The following GPHN variants were observed in gnomAD, a reference collection of about 807,000 sequenced individuals.
GPHN encodes the protein gephyrin.
In GPHN, 17 loss-of-function variants were observed where a neutral mutation model predicts 95.5. The observed-to-expected ratio is 0.18, with a 90% CI of 0.12 to 0.27. The LOEUF (loss-of-function observed/expected upper bound fraction) is 0.27, where lower values mean the gene tolerates loss of function less well. Among genes scored for constraint, GPHN ranks in the 10% least tolerant of loss-of-function variants. The pLI is 1.00. For missense variants in GPHN, 660 were observed against 978.1 expected (o/e 0.67, Z 4.34); for synonymous variants, 320 against 322.5 (o/e 0.99, Z 0.08).
intron 1 of GPHN, among the ~76,000 whole-genome samples, chr14:66,586,077 A>G (rs1157093033): frequency 2.0e-5 from 3 of 152,148 alleles, no homozygotes; most frequent in African/African-American, 7.2e-5. Flanking sequence ...GTGCTCCTGT[A>G]TTGGGTGCAT....
intron 1 of GPHN, among the ~76,000 whole-genome samples, chr14:66,592,586 C>G (rs9668888): frequency 6.6e-6 from 1 of 152,138 alleles, no homozygotes; most frequent in Non-Finnish European, 1.5e-5. Context: ...AAATGCAAAT[C>G]AAAACCACAA....
At position 66,780,260 on chromosome 14, in the gene GPHN, C is replaced by G. The variant is rs75262991; in HGVS notation, c.201+3739C>G. Among the ~76,000 whole-genome samples the G allele has an allele frequency of 3.1e-3, 468 of 152,218 alleles. 11 individuals are homozygous for G. Among genetic ancestry groups the G allele is most frequent in the African/African-American group, 0.011 (443 of 41,550 alleles). The stretch of plus-strand genomic sequence containing the variant: ...ATATCCAATAAGTCATTGAATAAAT[C>G]AGCCTGGAACTCAGAAGAGAGACAC... On this transcript the variant is annotated intron_variant, in intron 3 of 22. Coordinates refer to ENST00000478722, the MANE Select transcript of GPHN (RefSeq NM_020806.5).
chr14:66,913,597 C>T (rs967481954), intron 5 of GPHN, among the ~76,000 whole-genome samples: 2 of 152,158 alleles, frequency 1.3e-5, no homozygotes, highest in Non-Finnish European at 2.9e-5. Flanking sequence ...ACCTCGGCTT[C>T]CCAAAGTGCT....
chr14:67,702,269 T>C, the GPHN span, among the ~76,000 whole-genome samples: 1 of 152,166 alleles, frequency 6.6e-6, no homozygotes, highest in Non-Finnish European at 1.5e-5. Context: ...ATGCCTGGCC[T>C]GTGCTCAGTT....
At chr14:67,028,996 G>T (rs118039219) in intron 10 of GPHN, among the ~76,000 whole-genome samples, 1 of 152,008 alleles carries the variant, frequency 6.6e-6, no homozygotes, top group African/African-American at 2.4e-5. Context: ...TATAGTTCTC[G>T]TTCTTATGTT....
Position 66,770,319 on chromosome 14 carries a change from G to T in GPHN, c.144-6145G>T, listed in dbSNP as rs892780105. On this transcript the variant is annotated intron_variant, in intron 2 of 22. Coordinates refer to ENST00000478722, the MANE Select transcript of GPHN (RefSeq NM_020806.5). ...TGATAGTTTATTTTGCTCTGCAGAA[G>T]TTTTTTAGTTTAATTAGATCCCATT... Among the ~76,000 whole-genome samples the T allele has an allele frequency of 1.1e-4, 16 of 152,116 alleles. 1 individual carries two copies. Among genetic ancestry groups the T allele is most frequent in the African/African-American group, 3.9e-4 (16 of 41,436 alleles).
intron 1 of GPHN, among the ~76,000 whole-genome samples, chr14:66,597,549 G>C (rs528533044): frequency 6.6e-6 from 1 of 152,310 alleles, no homozygotes; most frequent in Admixed American, 6.5e-5. Context: ...CAGGAGTGGG[G>C]AGAGGCCAGG....
chr14:66,958,862 C>T (rs2068708509), intron 8 of GPHN, among the ~76,000 whole-genome samples: 1 of 152,074 alleles, frequency 6.6e-6, no homozygotes, highest in Non-Finnish European at 1.5e-5. Context: ...AGAAGGGTTT[C>T]TTCCATTTTG....
At chr14:67,220,748 C>T in the GPHN span, among the ~76,000 whole-genome samples, 1 of 152,168 alleles carries the variant, frequency 6.6e-6, no homozygotes. Flanking sequence ...TGATGCTTCT[C>T]AGTCTCGCTT....
intron 1 of GPHN, among the ~76,000 whole-genome samples, chr14:66,545,767 A>G (rs1261793671): frequency 0.023 from 1,401 of 61,582 alleles, no homozygotes; most frequent in African/African-American, 0.026. Context: ...CGGACGGGGC[A>G]GCTGGCCGGG....
intron 11 of GPHN, among the ~76,000 whole-genome samples, chr14:67,064,192 A>T (rs970603747): frequency 1.3e-5 from 2 of 152,124 alleles, no homozygotes; most frequent in African/African-American, 4.8e-5. Flanking sequence ...TGAGATAATC[A>T]TGTGGTTTTT....
intron 1 of GPHN, among the ~76,000 whole-genome samples, chr14:66,580,812 C>G (rs998586522): frequency 6.6e-6 from 1 of 151,618 alleles, no homozygotes; most frequent in Non-Finnish European, 1.5e-5. Context: ...AAACTTCAAA[C>G]TCATTTTAAG....
intron 5 of GPHN, among the ~76,000 whole-genome samples, chr14:66,910,101 G>C (rs141783037): frequency 8.7e-4 from 133 of 152,050 alleles, no homozygotes; most frequent in African/African-American, 3.0e-3. Flanking sequence ...GTTCTATGCA[G>C]AATCGACCCT....
At chr14:66,632,353 T>C (rs950284072) in intron 1 of GPHN, among the ~76,000 whole-genome samples, 1 of 152,196 alleles carries the variant, frequency 6.6e-6, no homozygotes, top group African/African-American at 2.4e-5. Flanking sequence ...CCCAGCTTTA[T>C]AATGTTCACA....
At chr14:67,144,240 AAAAAAAAAAAATATATATATAT>A (rs1200822466) in intron 18 of GPHN, among the ~76,000 whole-genome samples, 1,799 of 54,520 alleles carry the variant, frequency 0.033, 434 homozygotes, top group African/African-American at 0.21. Flanking sequence ...CTGTCTTAAA[AAAAAAAAAAAATATATATATAT>A]ATATATATAT....
intron 21 of GPHN, among the ~76,000 whole-genome samples, chr14:67,175,104 G>C (rs188976665): frequency 6.6e-6 from 1 of 152,186 alleles, no homozygotes; most frequent in East Asian, 1.9e-4. Flanking sequence ...TGTCAATTTT[G>C]ACTTTTGTTG....
the GPHN span, chr14:67,578,187 C>T: frequency 6.2e-7 from 1 of 1,613,640 alleles, no homozygotes; most frequent in East Asian, 2.2e-5. This position sits in a 1 kb window ranked among gnomAD's most constrained non-coding sequence, Gnocchi z 5.0. Context: ...CTCAGAAGTA[C>T]TCCCTCATGC....
the GPHN span, among the ~76,000 whole-genome samples, chr14:67,531,499 C>G: frequency 1.3e-5 from 2 of 152,012 alleles, no homozygotes; most frequent in Non-Finnish European, 2.9e-5. Flanking sequence ...AACAACTGAG[C>G]TGAAAAAAAT....
intron 1 of GPHN, among the ~76,000 whole-genome samples, chr14:66,675,301 C>A (rs566767542): frequency 6.6e-6 from 1 of 152,008 alleles, no homozygotes. Flanking sequence ...CGTACCACCA[C>A]GCCCGGCTAA....
Sources: allele counts gnomAD v4.1 joint callset (sites outside exome capture counted in the v4.1 genomes callset), GRCh38; gene constraint gnomAD v4.1.1; non-coding constraint Gnocchi (gnomAD v3.1); transcripts MANE v1.5; gene names NCBI Gene and HGNC (gene_info 2026-07-23, HGNC 2026-07-21).